FGD4: variants seen among roughly 807,000 people sequenced by gnomAD.
The protein encoded by FGD4 is FYVE, RhoGEF and PH domain-containing protein 4.
A neutral mutation model predicts 102.0 loss-of-function variants in FGD4; 42 were observed. The observed-to-expected ratio is 0.41, with a 90% confidence interval of 0.32 to 0.53. The LOEUF is 0.53. FGD4 is among the 20% of genes least tolerant of loss of function. The pLI is 0.21. For synonymous variants in FGD4, 380 were observed against 375.7 expected (o/e 1.01, Z -0.13); for missense variants, 902 against 1,078.2 (o/e 0.84, Z 2.29).
chr12:32,555,278 T>TC (rs745748219), intron 1 of FGD4, among the ~76,000 whole-genome samples: 3 of 152,126 alleles, frequency 2.0e-5, no homozygotes, highest in Non-Finnish European at 4.4e-5. Context: ...TAAATGGAGT[T>TC]ATTACTATTG....
chr12:32,587,660 ACAGGTGTGAGCCACTGTGCCT>A (rs1282185144), intron 4 of FGD4, among the ~76,000 whole-genome samples: 2 of 152,070 alleles, frequency 1.3e-5, no homozygotes, highest in Admixed American at 1.3e-4. Context: ...CAAAGTGCTG[ACAGGTGTGAGCCACTGTGCCT>A]GGCCAGACAC....
chr12:32,598,382 A>G (rs1296473264), intron 4 of FGD4, 115 bp from the exon 5 acceptor site: 13 of 704,824 alleles, frequency 1.8e-5, no homozygotes, highest in Non-Finnish European at 7.2e-6. Context: ...AGAACCGAGT[A>G]ACTGAAAAGC....
In FGD4 at chr12:32,608,104, T is replaced by A; in HGVS notation, c.1543+9T>A. 6.3e-7 allele frequency: 1 copy of A among 1,595,450 alleles called. No homozygotes were observed. The highest frequency in any genetic ancestry group is 1.3e-5 in the African/African-American group (1 of 74,324). ...CTGGAATGATGCTAAAAGTAAATGC[T>A]TTTTTTTTGTTTTCTCCCTATTTTG... On this transcript the variant is annotated intron_variant, in intron 8 of 16. Coordinates refer to ENST00000534526, the MANE Select transcript of FGD4 (RefSeq NM_001370298.3).
intron 4 of FGD4, among the ~76,000 whole-genome samples, chr12:32,589,108 CATT>C (rs1947272863): frequency 6.6e-6 from 1 of 152,190 alleles, no homozygotes; most frequent in Admixed American, 6.5e-5. Context: ...TACCTTGTAA[CATT>C]ATGAGGTATA....
At chr12:32,593,854 G>T (rs1947668194) in intron 4 of FGD4, among the ~76,000 whole-genome samples, 1 of 152,114 alleles carries the variant, frequency 6.6e-6, no homozygotes, top group African/African-American at 2.4e-5. Context: ...TAAAACCAAG[G>T]TCTTGAAAAG....
chr12:32,642,496 T>G lies in FGD4; in HGVS notation c.*1963T>G, dbSNP rs1951204323. 1.3e-5 allele frequency: 2 copies of G among 152,046 alleles called. No individual in the cohort carries two copies. Among genetic ancestry groups the G allele is most frequent in the African/African-American group, 4.8e-5 (2 of 41,422 alleles). 9.4% of individuals were successfully genotyped at this position (152,046 alleles called of 1,614,324 possible). A position where few individuals can be genotyped will look rare whatever the true frequency, so the allele number is the denominator to read the frequency against. On this transcript the variant is annotated 3_prime_UTR_variant, in exon 17 of 17. Coordinates refer to ENST00000534526, the MANE Select transcript of FGD4 (RefSeq NM_001370298.3). ...CAATGGGAAGATTTATAAGTCAGAT[T>G]ATTTTTGAAAACTATTTTTAAAAGC...
intron 4 of FGD4, among the ~76,000 whole-genome samples, chr12:32,585,881 C>G (rs1030010315): frequency 7.0e-6 from 1 of 143,554 alleles, no homozygotes; most frequent in Non-Finnish European, 1.5e-5. Context: ...GATGAAGGAG[C>G]AGTTGTGCCC....
chr12:32,422,408 C>T (rs1289692925), intron 1 of FGD4, among the ~76,000 whole-genome samples: 3 of 146,074 alleles, frequency 2.1e-5, no homozygotes, highest in African/African-American at 7.6e-5. Context: ...ACGCCATTCT[C>T]CTGCCTCAGC....
chr12:32,494,451 C>G (rs1165821309), intron 1 of FGD4, among the ~76,000 whole-genome samples: 2 of 152,194 alleles, frequency 1.3e-5, no homozygotes, highest in Admixed American at 1.3e-4. Context: ...TTCTTATTTA[C>G]AGAGATTAAG....
chr12:32,450,942 G>C (rs1323350717), intron 1 of FGD4, among the ~76,000 whole-genome samples: 1 of 152,154 alleles, frequency 6.6e-6, no homozygotes, highest in Non-Finnish European at 1.5e-5. Flanking sequence ...CCTCTGTGCA[G>C]ATGTCCTATA....
chr12:32,561,132 T>TGGA (rs1003843326), intron 1 of FGD4, among the ~76,000 whole-genome samples: 1 of 132,116 alleles, frequency 7.6e-6, no homozygotes, highest in Non-Finnish European at 1.6e-5. Flanking sequence ...TTGCCCAGGC[T>TGGA]GGAGTGCAAT....
chr12:32,495,936 G>T (rs1937788005), intron 1 of FGD4, among the ~76,000 whole-genome samples: 1 of 152,128 alleles, frequency 6.6e-6, no homozygotes, highest in African/African-American at 2.4e-5. Context: ...AGTCTCAAGG[G>T]ACCCTTGCCC....
chr12:32,500,720 C>T (rs1381578993), intron 1 of FGD4, among the ~76,000 whole-genome samples: 1 of 152,222 alleles, frequency 6.6e-6, no homozygotes, highest in East Asian at 1.9e-4. Context: ...GCGTGACCCA[C>T]TGTGCCTGGC....
chr12:32,578,685 C>A (rs903078708), intron 3 of FGD4, among the ~76,000 whole-genome samples: 1 of 151,996 alleles, frequency 6.6e-6, no homozygotes, highest in African/African-American at 2.4e-5. Flanking sequence ...CAAAAATTAG[C>A]CAGGTATGGT....
At chr12:32,437,706 T>C (rs1225013467) in intron 1 of FGD4, among the ~76,000 whole-genome samples, 2 of 150,460 alleles carry the variant, frequency 1.3e-5, no homozygotes, top group Non-Finnish European at 2.9e-5. Context: ...TCTTTTCATT[T>C]TTAGTAAAAG....
chr12:32,470,489 A>T (rs1591963401), intron 1 of FGD4, among the ~76,000 whole-genome samples: 1 of 116,026 alleles, frequency 8.6e-6, no homozygotes, highest in South Asian at 2.6e-4. Flanking sequence ...TTTGAGTTGC[A>T]GTCTTGCTCT....
chr12:32,401,751 G>A (rs1425622261), intron 1 of FGD4, among the ~76,000 whole-genome samples: 2 of 117,796 alleles, frequency 1.7e-5, no homozygotes, highest in African/African-American at 3.6e-5. Flanking sequence ...TTTTTGAGAC[G>A]CAGTTTTGCG....
At chr12:32,558,940 G>A (rs936301301) in intron 1 of FGD4, among the ~76,000 whole-genome samples, 3 of 152,216 alleles carry the variant, frequency 2.0e-5, no homozygotes, top group Non-Finnish European at 4.4e-5. Context: ...CTCAAGAGGA[G>A]ATAGTATTTA....
At chr12:32,528,863 T>G (rs1375217108) in intron 1 of FGD4, among the ~76,000 whole-genome samples, 1 of 152,210 alleles carries the variant, frequency 6.6e-6, no homozygotes, top group East Asian at 1.9e-4. Context: ...ATGCAGAAAC[T>G]TTGGATTTGG....
Sources: allele counts gnomAD v4.1 joint callset (sites outside exome capture counted in the v4.1 genomes callset), GRCh38; gene constraint gnomAD v4.1.1; transcripts MANE v1.5; gene names NCBI Gene and HGNC (gene_info 2026-07-23, HGNC 2026-07-21).